The following AP1S3 variants were observed in gnomAD, a reference collection of about 807,000 sequenced individuals.
The protein encoded by AP1S3 is AP-1 complex subunit sigma-3.
A neutral mutation model predicts 20.9 loss-of-function variants in AP1S3; 10 were observed. That is an observed-to-expected ratio of 0.48 (90% CI 0.29 to 0.81). The LOEUF (loss-of-function observed/expected upper bound fraction) is 0.81, where lower values mean the gene tolerates loss of function less well. Ranked by LOEUF, AP1S3 falls within the 30% of genes least tolerant of loss-of-function variation. AP1S3 has a pLI of 0.08. For missense variants in AP1S3, 154 were observed against 183.8 expected, an observed-to-expected ratio of 0.84 and a Z score of 0.94; for synonymous variants, 41 against 61.5, an observed-to-expected ratio of 0.67 and a Z score of 1.56.
rs115764942 is a variant in AP1S3 at position 223,822,174 on chromosome 2, G to A, written c.3+15274C>T. Among the ~76,000 whole-genome samples the A allele has an allele frequency of 3.2e-3, 483 of 152,162 alleles. 5 individuals carry two copies. Among genetic ancestry groups the A allele is most frequent in the African/African-American group, 0.011 (449 of 41,516 alleles). ...GGAGGCTGAGATTGGAGGACTGCTTGAGCCTAGGAGTTCAAGACCAGCCTG... is the reference window on the plus strand; with the variant it reads ...GGAGGCTGAGATTGGAGGACTGCTTAAGCCTAGGAGTTCAAGACCAGCCTG... On this transcript the variant is annotated intron_variant, in intron 1 of 4. Coordinates refer to ENST00000396654, the MANE Select transcript of AP1S3 (RefSeq NM_001039569.2).
chr2:223,832,086 A>C (rs1454833390), intron 1 of AP1S3, among the ~76,000 whole-genome samples: 1 of 134,766 alleles, frequency 7.4e-6, no homozygotes, highest in Non-Finnish European at 1.6e-5. Flanking sequence ...CAAAAAAAAA[A>C]AAATCAAAAA....
At chr2:223,762,113 C>T (rs554267363) in intron 4 of AP1S3, among the ~76,000 whole-genome samples, 1 of 151,738 alleles carries the variant, frequency 6.6e-6, no homozygotes, top group Non-Finnish European at 1.5e-5. Flanking sequence ...GCTGGGATTA[C>T]AGGAGCCCAC....
intron 1 of AP1S3, among the ~76,000 whole-genome samples, chr2:223,833,002 G>A (rs1692313155): frequency 6.6e-6 from 1 of 151,678 alleles, no homozygotes; most frequent in Non-Finnish European, 1.5e-5. Flanking sequence ...CATACATTAT[G>A]AGAACGGAAT....
At chr2:223,808,055 A>G (rs1368659364) in intron 1 of AP1S3, among the ~76,000 whole-genome samples, 3 of 151,632 alleles carry the variant, frequency 2.0e-5, no homozygotes. Flanking sequence ...ACGCCCAGCT[A>G]ATTTTTGTAT....
At chr2:223,810,468 C>A (rs1471056513) in intron 1 of AP1S3, among the ~76,000 whole-genome samples, 1 of 152,126 alleles carries the variant, frequency 6.6e-6, no homozygotes, top group Admixed American at 6.6e-5. Flanking sequence ...GCCACCACAC[C>A]AAGCTAATGT....
intron 3 of AP1S3, among the ~76,000 whole-genome samples, chr2:223,771,552 GA>G (rs1690627263): frequency 6.6e-6 from 1 of 152,106 alleles, no homozygotes; most frequent in Non-Finnish European, 1.5e-5. Context: ...TCAAATGGTA[GA>G]AACTATCATT....
intron 1 of AP1S3, among the ~76,000 whole-genome samples, chr2:223,831,982 C>T (rs2106042575): frequency 6.6e-6 from 1 of 151,610 alleles, no homozygotes; most frequent in African/African-American, 2.4e-5. Context: ...GAGGCTGAGG[C>T]AGGAGAATGG....
intron 1 of AP1S3, among the ~76,000 whole-genome samples, chr2:223,805,188 G>A (rs528560080): frequency 2.6e-5 from 4 of 152,160 alleles, no homozygotes; most frequent in Admixed American, 6.5e-5. Context: ...CCTCTAATCC[G>A]AGCACTTTGA....
At chr2:223,799,585 T>C (rs1290958150) in intron 1 of AP1S3, among the ~76,000 whole-genome samples, 2 of 152,202 alleles carry the variant, frequency 1.3e-5, no homozygotes, top group Non-Finnish European at 2.9e-5. Flanking sequence ...TTCCATATTA[T>C]AAAACCAGAT....
At chr2:223,819,246 T>C (rs1474327383) in intron 1 of AP1S3, among the ~76,000 whole-genome samples, 1 of 152,226 alleles carries the variant, frequency 6.6e-6, no homozygotes, top group Non-Finnish European at 1.5e-5. Context: ...ACATCTTTGA[T>C]TTCAAACACT....
chr2:223,781,212 T>C (rs1474188443), intron 1 of AP1S3, among the ~76,000 whole-genome samples: 1 of 152,128 alleles, frequency 6.6e-6, no homozygotes, highest in African/African-American at 2.4e-5. Flanking sequence ...CGGAGGTTGA[T>C]TCCATGTCTT....
chr2:223,813,557 T>TGGGC (rs1205590874), intron 1 of AP1S3, among the ~76,000 whole-genome samples: 2 of 152,228 alleles, frequency 1.3e-5, no homozygotes, highest in African/African-American at 2.4e-5. Flanking sequence ...GTGGTAGAAC[T>TGGGC]GGGCTTAGAA....
rs752440130 is a variant in AP1S3, at chr2:223,756,390, A to C, written c.*2325T>G. On this transcript the variant is annotated 3_prime_UTR_variant, in exon 5 of 5. Transcript: ENST00000396654. ...GAAAGAAAGAAAGGAGGGAGGGAGG[A>C]AGGGAAGGAAGGAAGGGAGGGAAGG... 1 of 371,686 alleles carries C rather than the reference A, an allele frequency of 2.7e-6. No individual in the cohort carries two copies. Among genetic ancestry groups the C allele is most frequent in the Non-Finnish European group, 3.6e-6 (1 of 274,820 alleles). The allele number at this position is 371,686 out of a possible 1,614,324, so 23.0% of individuals were successfully genotyped here. A position where few individuals can be genotyped will look rare whatever the true frequency, so the allele number is the denominator to read the frequency against.
In AP1S3 at chr2:223,837,429, G is replaced by T; in HGVS notation, c.3+19C>A. On this transcript the variant is annotated intron_variant, in intron 1 of 4. Coordinates refer to ENST00000396654, the MANE Select transcript of AP1S3 (RefSeq NM_001039569.2). ...GCGCCCCCACCGCCTACCCGGGCCG[G>T]CGGTTCCCCCGCACTCACCATCGTG... is the stretch of plus-strand genomic sequence containing the variant. 1.6e-6 allele frequency: 2 copies of T among 1,231,814 alleles called. No individual in the cohort carries two copies. The highest frequency in any genetic ancestry group is 2.0e-6 in the Non-Finnish European group (2 of 981,292). The allele number at this position is 1,231,814 out of a possible 1,614,324, so 76.3% of individuals were successfully genotyped here. A position where few individuals can be genotyped will look rare whatever the true frequency, so the allele number is the denominator to read the frequency against.
intron 1 of AP1S3, among the ~76,000 whole-genome samples, chr2:223,780,049 T>C (rs566953757): frequency 6.6e-6 from 1 of 151,758 alleles, no homozygotes; most frequent in South Asian, 2.1e-4. Context: ...ACCCACTAGG[T>C]GGCGATATCT....
rs983288764 is a variant in AP1S3 at position 223,778,111 on chromosome 2, G to T, written c.4-242C>A. On this transcript the variant is annotated intron_variant, in intron 1 of 4. Coordinates refer to ENST00000396654, the MANE Select transcript of AP1S3 (RefSeq NM_001039569.2). ...ATAGGAGAAAAATAAGTTTTTTTTT[G>T]TTTTTTTTGTTTGTTTGTTTGTTTG... Among the ~76,000 whole-genome samples the T allele has an allele frequency of 1.1e-4, 16 of 149,636 alleles. No individual in the cohort carries two copies. In the East Asian group the frequency reaches 2.6e-3, roughly 24 times the overall value.
intron 1 of AP1S3, among the ~76,000 whole-genome samples, chr2:223,789,763 G>A (rs1054661591): frequency 8.0e-5 from 12 of 150,050 alleles, no homozygotes; most frequent in African/African-American, 3.0e-4. Context: ...GCTTAAGCCC[G>A]GGAGGCAGAG....
At chr2:223,817,960 G>A (rs10180797) in intron 1 of AP1S3, among the ~76,000 whole-genome samples, 49,102 of 151,734 alleles carry the variant, frequency 0.32, 8,517 homozygotes, top group Middle Eastern at 0.43. Context: ...TGTGATGCTG[G>A]GCACTTTTAT....
At chr2:223,818,022 CAA>C (rs1304531553) in intron 1 of AP1S3, among the ~76,000 whole-genome samples, 1 of 151,846 alleles carries the variant, frequency 6.6e-6, no homozygotes, top group African/African-American at 2.4e-5. Flanking sequence ...ATATTGAAGA[CAA>C]AAAAGATTAA....
Sources: allele counts gnomAD v4.1 joint callset (sites outside exome capture counted in the v4.1 genomes callset), GRCh38; gene constraint gnomAD v4.1.1; transcripts MANE v1.5; gene names NCBI Gene and HGNC (gene_info 2026-07-23, HGNC 2026-07-21).